The following SKIL variants were observed in gnomAD, a reference collection of about 807,000 sequenced individuals.
SKIL encodes SKI like proto-oncogene.
A neutral mutation model predicts 69.6 loss-of-function variants in SKIL; 20 were observed. The ratio of observed to expected loss-of-function variants is 0.29; its 90% CI spans 0.20 to 0.42. The LOEUF is 0.42. Ranked by LOEUF, SKIL falls within the 10% of genes least tolerant of loss-of-function variation. The pLI is 1.00. For synonymous variants in SKIL, 310 were observed against 279.9 expected (o/e 1.11, Z -1.08); for missense variants, 745 against 783.1 (o/e 0.95, Z 0.58).
intron 2 of SKIL, among the ~76,000 whole-genome samples, chr3:170,365,184 A>AATC (rs1160144640): frequency 4.6e-5 from 7 of 152,188 alleles, no homozygotes. Context: ...CACCTCTTAG[A>AATC]TGAGTCACAT....
At chr3:170,376,042 C>CTTTTTTTTT (rs869036195) in intron 2 of SKIL, among the ~76,000 whole-genome samples, 5 of 89,132 alleles carry the variant, frequency 5.6e-5, no homozygotes, top group Non-Finnish European at 8.4e-5. Context: ...GCTGATTTTC[C>CTTTTTTTTT]TTTTTTTTTT....
intron 2 of SKIL, among the ~76,000 whole-genome samples, chr3:170,369,925 A>G (rs961348869): frequency 3.9e-5 from 6 of 152,142 alleles, no homozygotes; most frequent in African/African-American, 9.7e-5. Context: ...TATATAAACA[A>G]TGCATCTTGT....
At chr3:170,375,515 C>T (rs1736989397) in intron 2 of SKIL, among the ~76,000 whole-genome samples, 1 of 152,074 alleles carries the variant, frequency 6.6e-6, no homozygotes, top group Non-Finnish European at 1.5e-5. Context: ...TTTGAGATTC[C>T]AGTATTCATT....
chr3:170,387,752 T>G, intron 4 of SKIL, among the ~76,000 whole-genome samples: 1 of 31,078 alleles, frequency 3.2e-5, no homozygotes, highest in Non-Finnish European at 8.4e-5. Flanking sequence ...TGAAACCCCG[T>G]CTCTACTAAA....
At chr3:170,370,438 AGCC>A (rs1736748494) in intron 2 of SKIL, among the ~76,000 whole-genome samples, 1 of 12,392 alleles carries the variant, frequency 8.1e-5, no homozygotes, top group African/African-American at 3.2e-4. Flanking sequence ...AGAGAGAGAG[AGCC>A]CCCCCCCCCC....
At chr3:170,380,376 C>G (rs1406525320) in intron 2 of SKIL, among the ~76,000 whole-genome samples, 1 of 152,126 alleles carries the variant, frequency 6.6e-6, no homozygotes, top group Admixed American at 6.6e-5. Context: ...GGCTCAGTGG[C>G]TCATGCCTGT....
At position 170,384,728 on chromosome 3, in the gene SKIL, G is replaced by T. The variant is rs1465999295; in HGVS notation, c.1392G>T (p.Met464Ile). 6.2e-7 allele frequency: 1 copy of T among 1,606,726 alleles called. No individual in the cohort carries two copies. Among genetic ancestry groups the T allele is most frequent in the African/African-American group, 1.3e-5 (1 of 74,818 alleles). ...TCTCACTTGAGGAACAGGAGAAAATGGATTTAAAAACAAGTAGAGAATTAT... is the reference window on the plus strand; with the variant it reads ...TCTCACTTGAGGAACAGGAGAAAATTGATTTAAAAACAAGTAGAGAATTAT... ...PDVSLEEQEK[M>I]DLKTSRELCS... The change falls in exon 4 of 7, where the codon ATG becomes ATT. Residue 464 changes from methionine to isoleucine, a missense_variant. Coordinates refer to ENST00000259119, the MANE Select transcript of SKIL (RefSeq NM_005414.5).
chr3:170,364,777 T>C (rs1236385437), intron 2 of SKIL, among the ~76,000 whole-genome samples: 5 of 152,214 alleles, frequency 3.3e-5, no homozygotes, highest in African/African-American at 1.2e-4. Flanking sequence ...TGAAACAATG[T>C]GCTGAGGTTT....
At chr3:170,367,338 C>T (rs1253416726) in intron 2 of SKIL, among the ~76,000 whole-genome samples, 2 of 152,118 alleles carry the variant, frequency 1.3e-5, no homozygotes, top group South Asian at 2.1e-4. Flanking sequence ...TCTCGATCTC[C>T]TGACGTCGTC....
At chr3:170,391,550 A>C (rs1332454925) in intron 6 of SKIL, among the ~76,000 whole-genome samples, 1 of 151,932 alleles carries the variant, frequency 6.6e-6, no homozygotes, top group Non-Finnish European at 1.5e-5. Flanking sequence ...TGAACTCCTG[A>C]CCTCATGATC....
chr3:170,374,443 T>C (rs1209045893), intron 2 of SKIL, among the ~76,000 whole-genome samples: 1 of 152,208 alleles, frequency 6.6e-6, no homozygotes, highest in Non-Finnish European at 1.5e-5. Flanking sequence ...TGGCAAGTTA[T>C]ATAATGTATT....
chr3:170,391,109 T>G lies in SKIL; in HGVS notation c.1745T>G (p.Leu582Arg). Residue 582 changes from leucine (L) to arginine (R), a missense_variant, in exon 6 of 7, where the codon CTT (leucine) becomes CGT (arginine). Coordinates refer to ENST00000259119, the MANE Select transcript of SKIL (RefSeq NM_005414.5). ...GAACAGCAGAATTTACAGAAAGAGC[T>G]TGAATCTTTGCAGAATGAACATGCT... is the stretch of plus-strand genomic sequence containing the variant. ...TEEQQNLQKE[L>R]ESLQNEHAQR... The G allele has an allele frequency of 6.2e-7, 1 of 1,610,560 alleles. No homozygotes were observed. The highest frequency in any genetic ancestry group is 8.5e-7 in the Non-Finnish European group (1 of 1,176,844).
chr3:170,382,030 C>T (rs987395589), intron 3 of SKIL, among the ~76,000 whole-genome samples: 20 of 151,154 alleles, frequency 1.3e-4, no homozygotes, highest in East Asian at 2.0e-4. Flanking sequence ...TGCAGTGAGC[C>T]GAGATCGCGT....
chr3:170,370,553 G>T (rs1425378607), intron 2 of SKIL, among the ~76,000 whole-genome samples: 1 of 145,742 alleles, frequency 6.9e-6, no homozygotes, highest in African/African-American at 2.5e-5. Context: ...GGATAACAGT[G>T]AAGTCTAAGT....
intron 2 of SKIL, 44 bp downstream of exon 2, chr3:170,361,473 T>G (rs1351936832): frequency 1.4e-6 from 2 of 1,421,120 alleles, no homozygotes; most frequent in African/African-American, 2.9e-5. Flanking sequence ...ATGGTTTACT[T>G]TGAAATGAAA....
chr3:170,380,214 A>G (rs1050265861), intron 2 of SKIL, among the ~76,000 whole-genome samples: 2 of 152,224 alleles, frequency 1.3e-5, no homozygotes, highest in African/African-American at 4.8e-5. Context: ...TTAATTTGGC[A>G]AAGTATTGCT....
In SKIL at chr3:170,396,010, GTTTTT is replaced by G. The variant is rs11337003; in HGVS notation, c.*3605_*3609del. 7.1e-5 allele frequency: 9 copies of G among 126,332 alleles called. No homozygotes were observed. In the East Asian group the frequency reaches 1.8e-3, roughly 25 times the overall value. The allele number at this position is 126,332 out of a possible 1,614,324, so 7.8% of individuals were successfully genotyped here. On this transcript the variant is annotated 3_prime_UTR_variant, in exon 7 of 7. Coordinates refer to ENST00000259119, the MANE Select transcript of SKIL (RefSeq NM_005414.5). Reference sequence around the variant, plus strand: ...ATATTGCATTTCATTTAAAAGGACAGTTTTTTTTTTTTTTTTGTAAATCCATTCAT... The same window carrying G: ...ATATTGCATTTCATTTAAAAGGACAGTTTTTTTTTTTGTAAATCCATTCAT...
chr3:170,390,543 G>T lies in SKIL; in HGVS notation c.1671+79G>T, dbSNP rs189808935. 2.8e-5 allele frequency: 32 copies of T among 1,149,216 alleles called. No individual in the cohort carries two copies. The East Asian group carries it at 7.9e-4, about 28-fold the overall frequency. 71.2% of individuals were successfully genotyped at this position (1,149,216 alleles called of 1,614,324 possible). A position where few individuals can be genotyped will look rare whatever the true frequency, so the allele number is the denominator to read the frequency against. ...GCTCTGTCGCCCAGGCTGGAGTGCA[G>T]TGGCGCAGTCTCAGCTCACTGAAAC... On this transcript the variant is annotated intron_variant, in intron 5 of 6. Transcript: ENST00000259119.
intron 2 of SKIL, among the ~76,000 whole-genome samples, chr3:170,379,912 G>A (rs576952134): frequency 1.0e-3 from 153 of 152,242 alleles, no homozygotes; most frequent in Non-Finnish European, 1.9e-3. Flanking sequence ...CCACAGTGCT[G>A]GAATTACAGG....
Sources: gnomAD v4.1 joint callset for allele counts (sites outside exome capture counted in the v4.1 genomes callset) on GRCh38, gnomAD v4.1.1 for gene constraint, MANE v1.5 for transcripts, NCBI Gene and HGNC (gene_info 2026-07-23, HGNC 2026-07-21) for gene names.